Variants in GNAL observed in about 807,000 individuals in gnomAD.
GNAL encodes the protein guanine nucleotide-binding protein G(olf) subunit alpha.
In GNAL, 18 loss-of-function variants were observed where a neutral mutation model predicts 55.1. The ratio of observed to expected loss-of-function variants is 0.33; its 90% CI spans 0.23 to 0.48. The LOEUF (loss-of-function observed/expected upper bound fraction) is 0.48, where lower values mean the gene tolerates loss of function less well. Ranked by LOEUF, GNAL falls within the 20% of genes least tolerant of loss-of-function variation. The pLI, the probability that GNAL is intolerant of heterozygous loss-of-function variation, is 0.99. For missense variants in GNAL, 412 were observed against 614.1 expected (o/e 0.67, Z 3.48); for synonymous variants, 253 against 237.0 (o/e 1.07, Z -0.62).
chr18:11,885,563 ATT>A lies in GNAL; in HGVS notation c.*4430_*4431del. 1 of 1,334,654 alleles carries A rather than the reference ATT, an allele frequency of 7.5e-7. No individual in the cohort carries two copies. Among genetic ancestry groups the A allele is most frequent in the Non-Finnish European group, 1.0e-6 (1 of 963,082 alleles). 82.7% of individuals were successfully genotyped at this position (1,334,654 alleles called of 1,614,324 possible). On this transcript the variant is annotated 3_prime_UTR_variant, in exon 12 of 12. Transcript: ENST00000334049. ...TGGAGCTACGTGTAGAAGGAGAGAAATTTGTGTGTGGCTTTTGTAAATTTTGA... is the reference window on the plus strand; with the variant it reads ...TGGAGCTACGTGTAGAAGGAGAGAAATGTGTGTGGCTTTTGTAAATTTTGA...
chr18:11,851,492 C>T (rs747266981), intron 5 of GNAL: 47 of 1,526,920 alleles, frequency 3.1e-5, no homozygotes, highest in Non-Finnish European at 3.8e-5. Flanking sequence ...GGGCCGCCGA[C>T]CCAAAGGAGC....
chr18:11,712,245 T>G (rs375280547), intron 1 of GNAL, among the ~76,000 whole-genome samples: 2 of 152,130 alleles, frequency 1.3e-5, no homozygotes, highest in African/African-American at 4.8e-5. Flanking sequence ...ACATAAAAAA[T>G]TCAGAGTTGG....
At chr18:11,773,260 C>T (rs1284648256) in intron 4 of GNAL, among the ~76,000 whole-genome samples, 2 of 152,222 alleles carry the variant, frequency 1.3e-5, no homozygotes, top group Non-Finnish European at 2.9e-5. Flanking sequence ...ATAACATGCT[C>T]ACTTACCTAC....
intron 5 of GNAL, chr18:11,852,806 A>G (rs1056305935): frequency 6.0e-6 from 1 of 166,984 alleles, no homozygotes; most frequent in African/African-American, 2.4e-5. Context: ...AATGCCGAAT[A>G]ACTTCCTTTA....
chr18:11,777,049 T>C (rs1173535876), intron 4 of GNAL, among the ~76,000 whole-genome samples: 1 of 152,228 alleles, frequency 6.6e-6, no homozygotes, highest in Non-Finnish European at 1.5e-5. Context: ...TTCTTTCCAC[T>C]TTTCTATCCC....
At chr18:11,720,874 A>G (rs1343775660) in intron 1 of GNAL, among the ~76,000 whole-genome samples, 1 of 152,222 alleles carries the variant, frequency 6.6e-6, no homozygotes, top group Non-Finnish European at 1.5e-5. Flanking sequence ...GCACCTTGAC[A>G]TTGTTTATGA....
intron 4 of GNAL, among the ~76,000 whole-genome samples, chr18:11,816,441 C>T (rs1002691385): frequency 6.6e-6 from 1 of 151,934 alleles, no homozygotes; most frequent in African/African-American, 2.4e-5. Flanking sequence ...GGACTACAGG[C>T]GCCCGCCACC....
At chr18:11,877,225 A>G (rs1362528144) in intron 11 of GNAL, among the ~76,000 whole-genome samples, 1 of 152,216 alleles carries the variant, frequency 6.6e-6, no homozygotes, top group Admixed American at 6.5e-5. Context: ...AGGCTGAGGC[A>G]GATGGATCAC....
At chr18:11,732,003 A>G (rs191499357) in intron 1 of GNAL, among the ~76,000 whole-genome samples, 36 of 152,250 alleles carry the variant, frequency 2.4e-4, no homozygotes, top group Admixed American at 1.8e-3. Flanking sequence ...TATGTGTAAC[A>G]TACATCTCTA....
In GNAL at chr18:11,884,581, G is replaced by A. The variant is rs770863415; in HGVS notation, c.*3446G>A. ...GATGATCAAAACCACATCCTCACGTGGGAGGTAGCACTTGGAGAGGGTGTA... is the reference window on the plus strand; with the variant it reads ...GATGATCAAAACCACATCCTCACGTAGGAGGTAGCACTTGGAGAGGGTGTA... On this transcript the variant is annotated 3_prime_UTR_variant, in exon 12 of 12. Transcript: ENST00000334049. 1.5e-5 allele frequency: 25 copies of A among 1,613,816 alleles called. No homozygotes were observed. The highest frequency in any genetic ancestry group is 2.7e-5 in the African/African-American group (2 of 74,940).
chr18:11,854,729 C>T lies in GNAL; in HGVS notation c.723-7666C>T, dbSNP rs77121528. ...CTGGGAGGCGGAGGTTGAGGTGAGC[C>T]AAGATTGCGCCATTGCACTCTAGCC... On this transcript the variant is annotated intron_variant, in intron 5 of 11. Transcript: ENST00000334049. Among the ~76,000 whole-genome samples, 118 of 151,550 alleles carry T rather than the reference C, an allele frequency of 7.8e-4. 1 individual carries two copies. The East Asian group carries it at 0.018, about 23-fold the overall frequency.
Position 11,867,241 on chromosome 18 carries a change from C to T in GNAL, c.910+15C>T. The T allele has an allele frequency of 1.9e-6, 3 of 1,542,266 alleles. No homozygotes were observed. Among genetic ancestry groups the T allele is most frequent in the Non-Finnish European group, 2.7e-6 (3 of 1,114,928 alleles). On this transcript the variant is annotated intron_variant, in intron 8 of 11. Transcript: ENST00000334049. ...GTGCTTTAACGGTGATTTTTTTATG[C>T]TCTCTCAAGAAAATAGGAGTGAATT...
At chr18:11,703,394 T>C (rs1598402545) in intron 1 of GNAL, among the ~76,000 whole-genome samples, 1 of 152,228 alleles carries the variant, frequency 6.6e-6, no homozygotes, top group African/African-American at 2.4e-5. Context: ...TAAGAAAATA[T>C]AGAAACGTGT....
intron 5 of GNAL, among the ~76,000 whole-genome samples, chr18:11,830,484 G>A (rs2035356086): frequency 6.6e-6 from 1 of 152,002 alleles, no homozygotes; most frequent in South Asian, 2.1e-4. Context: ...TTTATTCCAT[G>A]GCAGGAGTCA....
At chr18:11,709,404 C>T (rs1209300196) in intron 1 of GNAL, among the ~76,000 whole-genome samples, 1 of 148,852 alleles carries the variant, frequency 6.7e-6, no homozygotes, top group Non-Finnish European at 1.5e-5. Flanking sequence ...TTGGGTAGTA[C>T]AGACATTTTA....
chr18:11,822,820 C>CTTTTTTTTT (rs56128456), intron 4 of GNAL, among the ~76,000 whole-genome samples: 1 of 139,694 alleles, frequency 7.2e-6, no homozygotes, highest in African/African-American at 2.8e-5. Context: ...TTTTTTTTTT[C>CTTTTTTTTT]TTTTTTTTTT....
rs1276495131 is a variant in GNAL at position 11,882,760 on chromosome 18, T to C, written c.*1625T>C. On this transcript the variant is annotated 3_prime_UTR_variant, in exon 12 of 12. Coordinates refer to ENST00000334049, the MANE Select transcript of GNAL (RefSeq NM_182978.4). ...AGGAGAATGAGGATGACAGCTTCAC[T>C]TGCCTTTTGAAGAAGAAACATTACA... The C allele has an allele frequency of 6.6e-6, 1 of 151,360 alleles. No homozygotes were observed. Among genetic ancestry groups the C allele is most frequent in the Non-Finnish European group, 1.5e-5 (1 of 67,946 alleles). 9.4% of individuals were successfully genotyped at this position (151,360 alleles called of 1,614,324 possible). A position where few individuals can be genotyped will look rare whatever the true frequency, so the allele number is the denominator to read the frequency against.
At chr18:11,819,359 T>C (rs1220750337) in intron 4 of GNAL, among the ~76,000 whole-genome samples, 1 of 152,220 alleles carries the variant, frequency 6.6e-6, no homozygotes, top group African/African-American at 2.4e-5. Flanking sequence ...CAATATGAAA[T>C]AGAGTCATTA....
At chr18:11,806,171 A>G (rs1171683411) in intron 4 of GNAL, among the ~76,000 whole-genome samples, 1 of 152,004 alleles carries the variant, frequency 6.6e-6, no homozygotes, top group South Asian at 2.1e-4. Flanking sequence ...TATTCATGTC[A>G]TTTGCCCACT....
Sources: gnomAD v4.1 joint callset for allele counts (sites outside exome capture counted in the v4.1 genomes callset) on GRCh38, gnomAD v4.1.1 for gene constraint, MANE v1.5 for transcripts, NCBI Gene and HGNC (gene_info 2026-07-23, HGNC 2026-07-21) for gene names.